The following RUVBL1 variants were observed in gnomAD, a reference collection of about 807,000 sequenced individuals.
The protein encoded by RUVBL1 is ruvB-like 1.
RUVBL1 carries 4 observed loss-of-function variants against 52.4 expected under a neutral mutation model. That is an observed-to-expected ratio of 0.08 (90% CI 0.04 to 0.17). The LOEUF (loss-of-function observed/expected upper bound fraction) is 0.17. Ranked by LOEUF, RUVBL1 falls within the 10% of genes least tolerant of loss-of-function variation. RUVBL1 has a pLI of 1.00. For missense variants in RUVBL1, 298 were observed against 572.8 expected (o/e 0.52, Z 4.90); for synonymous variants, 217 against 214.4 (o/e 1.01, Z -0.10).
At chr3:128,103,770 A>G (rs1943161484) in intron 4 of RUVBL1, among the ~76,000 whole-genome samples, 2 of 152,226 alleles carry the variant, frequency 1.3e-5, no homozygotes, top group African/African-American at 4.8e-5. Context: ...GAGGAAAACT[A>G]TACACACATA....
intron 2 of RUVBL1, among the ~76,000 whole-genome samples, chr3:128,115,989 T>G (rs1943513569): frequency 6.6e-6 from 1 of 151,710 alleles, no homozygotes; most frequent in African/African-American, 2.4e-5. Context: ...AGCCAAAGCG[T>G]GGTGGTGTGC....
chr3:128,134,630 T>TA (rs945344234), intron 1 of RUVBL1, among the ~76,000 whole-genome samples: 2 of 150,436 alleles, frequency 1.3e-5, no homozygotes, highest in African/African-American at 4.9e-5. Flanking sequence ...CTACAAAAAA[T>TA]AAAAATAAAA....
intron 6 of RUVBL1, among the ~76,000 whole-genome samples, chr3:128,099,397 C>T (rs1000383701): frequency 5.1e-4 from 77 of 152,252 alleles, no homozygotes; most frequent in Admixed American, 1.1e-3. Context: ...CTCAGGACTT[C>T]CTCCAAATGT....
chr3:128,087,590 G>A, intron 9 of RUVBL1, 116 bp downstream of exon 9: 1 of 706,074 alleles, frequency 1.4e-6, no homozygotes, highest in Non-Finnish European at 2.4e-6. Flanking sequence ...CAGTAGCTAA[G>A]TGGTGAGATG....
intron 1 of RUVBL1, among the ~76,000 whole-genome samples, chr3:128,137,422 C>G (rs1408376945): frequency 6.6e-6 from 1 of 152,076 alleles, no homozygotes; most frequent in East Asian, 1.9e-4. Context: ...AACTATATGT[C>G]AATAAATTGG....
At chr3:128,149,562 T>A (rs1273850576) in intron 1 of RUVBL1, among the ~76,000 whole-genome samples, 1 of 152,230 alleles carries the variant, frequency 6.6e-6, no homozygotes, top group East Asian at 1.9e-4. Context: ...ATTTTGCTAC[T>A]ACATACAATA....
At chr3:128,094,754 T>C (rs1942930575) in intron 8 of RUVBL1, among the ~76,000 whole-genome samples, 1 of 152,096 alleles carries the variant, frequency 6.6e-6, no homozygotes, top group Non-Finnish European at 1.5e-5. Context: ...CCCTTCCCCC[T>C]CTCTTTCCTT....
intron 2 of RUVBL1, among the ~76,000 whole-genome samples, chr3:128,118,056 T>G (rs1173511221): frequency 6.6e-6 from 1 of 152,180 alleles, no homozygotes; most frequent in Non-Finnish European, 1.5e-5. Context: ...GTGAGAGACT[T>G]TCCCACCAAC....
chr3:128,097,551 A>G, intron 7 of RUVBL1, 53 bp from the exon 8 acceptor site: 1 of 1,527,112 alleles, frequency 6.5e-7, no homozygotes, highest in Non-Finnish European at 9.1e-7. Context: ...GGGGGAGACT[A>G]TCGCCTTTTC....
intron 9 of RUVBL1, chr3:128,066,616 G>C (rs1358153178): frequency 3.3e-6 from 1 of 302,812 alleles, no homozygotes; most frequent in Non-Finnish European, 6.2e-6. Flanking sequence ...TAGAGACGGA[G>C]TCTGACTGTG....
rs1207357966 is a variant in RUVBL1, at chr3:128,121,731, A to AC, written c.141+1852_141+1853insG. Among the ~76,000 whole-genome samples, 165 of 140,460 alleles carry AC rather than the reference A, an allele frequency of 1.2e-3. 3 individuals are homozygous for AC. Among genetic ancestry groups the AC allele is most frequent in the African/African-American group, 4.0e-3 (150 of 37,824 alleles). The allele number at this position is 140,460 out of a possible 152,430, so 92.1% of individuals were successfully genotyped here. ...GTCTCAAAAAAAAAAAAAAAAAAAA[A>AC]AAACTACTATGGTCTTTCCACACAA... On this transcript the variant is annotated intron_variant, in intron 1 of 10. Transcript: ENST00000322623.
intron 2 of RUVBL1, among the ~76,000 whole-genome samples, chr3:128,118,334 T>C (rs1413417906): frequency 1.3e-5 from 2 of 152,182 alleles, no homozygotes; most frequent in East Asian, 1.9e-4. Flanking sequence ...CAATATAAGA[T>C]ACACAATCAG....
Position 128,081,468 on chromosome 3 carries a change from C to G in RUVBL1, c.1212-59G>C. 6.5e-7 allele frequency: 1 copy of G among 1,542,048 alleles called. No individual in the cohort carries two copies. Among genetic ancestry groups the G allele is most frequent in the East Asian group, 2.3e-5 (1 of 43,954 alleles). On this transcript the variant is annotated intron_variant, in intron 10 of 10. Coordinates refer to ENST00000322623, the MANE Select transcript of RUVBL1 (RefSeq NM_003707.3). This position sits in a 1 kb window ranked among gnomAD's most constrained non-coding sequence, Gnocchi z 4.8. ...CTGGGGCCACCGAAGAAAGCACCTT[C>G]CCCCCACATCAGTAGGCAGCACTGG... is the stretch of plus-strand genomic sequence containing the variant.
chr3:128,076,676 A>G (rs1450400794), downstream of RUVBL1, among the ~76,000 whole-genome samples: 1 of 150,884 alleles, frequency 6.6e-6, no homozygotes, highest in Admixed American at 6.6e-5. The surrounding 1 kb of genome is among the most constrained non-coding windows in gnomAD (Gnocchi z 6.8). Context: ...CCCTTGTGTC[A>G]CGGTGGCACC....
chr3:128,071,609 T>C (rs554925605), intron 9 of RUVBL1: 1 of 152,784 alleles, frequency 6.5e-6, no homozygotes, highest in East Asian at 1.9e-4. Flanking sequence ...CAGGGGACTG[T>C]CACTGTGGAC....
intron 9 of RUVBL1, among the ~76,000 whole-genome samples, chr3:128,065,498 C>T (rs1246750262): frequency 6.6e-6 from 1 of 152,048 alleles, no homozygotes; most frequent in African/African-American, 2.4e-5. Flanking sequence ...ACCTGAACTG[C>T]TATTGTTTTC....
At chr3:128,116,758 G>T (rs532194403) in intron 2 of RUVBL1, among the ~76,000 whole-genome samples, 1 of 152,088 alleles carries the variant, frequency 6.6e-6, no homozygotes, top group Non-Finnish European at 1.5e-5. Context: ...GAGCTGCCAG[G>T]CTCCCTCATC....
Position 128,067,370 on chromosome 3 carries a change from C to A in RUVBL1, c.940-2150G>T. ...GCTCAGAACTATTTTTGCCTTGATG[C>A]TAAAGTAAAATGAAGGAGCACTCAC... is the stretch of plus-strand genomic sequence containing the variant. On this transcript the variant is annotated intron_variant, in intron 9 of 9. Transcript: ENST00000464873. The surrounding 1 kb of genome is among the most constrained non-coding windows in gnomAD (Gnocchi z 4.1). 1 of 1,561,698 alleles carries A rather than the reference C, an allele frequency of 6.4e-7. No individual in the cohort carries two copies.
In RUVBL1 at chr3:128,067,049, C is replaced by T. The variant is rs756869274; in HGVS notation, c.940-1829G>A. The T allele has an allele frequency of 2.5e-6, 4 of 1,614,226 alleles. No individual in the cohort carries two copies. Among genetic ancestry groups the T allele is most frequent in the East Asian group, 4.5e-5 (2 of 44,884 alleles). On this transcript the variant is annotated intron_variant, in intron 9 of 9. Coordinates refer to the RUVBL1 transcript ENST00000464873. This position sits in a 1 kb window ranked among gnomAD's most constrained non-coding sequence, Gnocchi z 4.1. ...TCTTCTATACGTCCAACATCCCCAT[C>T]ATCCTGCAGTCTGCCCTGGTGTCCA...
Sources: allele counts gnomAD v4.1 joint callset (sites outside exome capture counted in the v4.1 genomes callset), GRCh38; gene constraint gnomAD v4.1.1; non-coding constraint Gnocchi (gnomAD v3.1); transcripts MANE v1.5; gene names NCBI Gene and HGNC (gene_info 2026-07-23, HGNC 2026-07-21).